The following SLC8A1 variants were observed in gnomAD, a reference collection of about 807,000 sequenced individuals.
SLC8A1 encodes sodium/calcium exchanger 1.
Under a neutral mutation model 68.3 loss-of-function variants are expected in SLC8A1, and 18 were observed. The observed-to-expected ratio is 0.26, with a 90% CI of 0.18 to 0.39. The LOEUF (loss-of-function observed/expected upper bound fraction) is 0.39. SLC8A1 is among the 10% of genes least tolerant of loss of function. The pLI, the probability that SLC8A1 is intolerant of heterozygous loss-of-function variation, is 1.00. For missense variants in SLC8A1, 985 were observed against 1,156.7 expected, an observed-to-expected ratio of 0.85 and a Z score of 2.15; for synonymous variants, 475 against 415.5, an observed-to-expected ratio of 1.14 and a Z score of -1.74.
At chr2:40,428,645 C>T in exon 2 of SLC8A1, 1 of 1,613,830 alleles carries the variant, frequency 6.2e-7, no homozygotes, top group Non-Finnish European at 8.5e-7. Context: ...ACATGAGTCA[C>T]AGGTTCCTCA....
chr2:40,364,164 A>G (rs959798278), intron 2 of SLC8A1, among the ~76,000 whole-genome samples: 1 of 152,134 alleles, frequency 6.6e-6, no homozygotes, highest in Admixed American at 6.6e-5. Flanking sequence ...ATATTTTTAA[A>G]GAAGTATCAG....
intron 2 of SLC8A1, among the ~76,000 whole-genome samples, chr2:40,422,061 G>A (rs1243245201): frequency 6.6e-6 from 1 of 152,048 alleles, no homozygotes; most frequent in East Asian, 1.9e-4. Flanking sequence ...TGCCCACTCA[G>A]CACCTTCCAC....
chr2:40,158,842 G>C (rs543191424), intron 6 of SLC8A1, among the ~76,000 whole-genome samples: 1 of 152,262 alleles, frequency 6.6e-6, no homozygotes, highest in East Asian at 1.9e-4. Context: ...GAAAGTGTTT[G>C]CAAGTCAAAA....
At chr2:40,167,657 T>A (rs1270081140) in intron 4 of SLC8A1, among the ~76,000 whole-genome samples, 1 of 152,214 alleles carries the variant, frequency 6.6e-6, no homozygotes, top group East Asian at 1.9e-4. Context: ...TATCCCTTTA[T>A]GTATTCACCT....
exon 3 of SLC8A1, chr2:40,177,796 G>T: frequency 6.4e-7 from 1 of 1,551,310 alleles, no homozygotes; most frequent in South Asian, 1.2e-5. Flanking sequence ...AAGCACAAGG[G>T]AGAAACTGCA....
intron 2 of SLC8A1, chr2:40,209,894 G>A (rs1013150101): frequency 6.6e-6 from 1 of 152,278 alleles, no homozygotes; most frequent in Non-Finnish European, 1.5e-5. Flanking sequence ...CAGAGGAAAT[G>A]GACTAGGGAA....
chr2:40,480,604 T>A (rs1559759780), intron 1 of SLC8A1, among the ~76,000 whole-genome samples: 2 of 152,192 alleles, frequency 1.3e-5, no homozygotes, highest in Non-Finnish European at 2.9e-5. Context: ...ACTAAGACAC[T>A]GCCCTAACTT....
Position 40,218,770 on chromosome 2 carries a change from T to C in SLC8A1, c.1809-40915A>G, listed in dbSNP as rs113551017. On this transcript the variant is annotated intron_variant, in intron 2 of 7. Coordinates refer to ENST00000406785, the Ensembl canonical transcript of SLC8A1. ...TAACATCCTTGCTTGCAGAGATTGG[T>C]AGACCTGTTTCTTCTATTTTAGATT... Among the ~76,000 whole-genome samples, 306 of 151,596 alleles carry C rather than the reference T, an allele frequency of 2.0e-3. 1 individual carries two copies. The highest frequency in any genetic ancestry group is 3.7e-3 in the Non-Finnish European group (250 of 67,948).
intron 2 of SLC8A1, among the ~76,000 whole-genome samples, chr2:40,256,652 C>T (rs2063969412): frequency 6.6e-6 from 1 of 152,054 alleles, no homozygotes; most frequent in South Asian, 2.1e-4. Context: ...TTAAATCACC[C>T]AACCTTTCCT....
intron 2 of SLC8A1, among the ~76,000 whole-genome samples, chr2:40,207,917 T>TA (rs1180691928): frequency 1.3e-5 from 2 of 152,136 alleles, no homozygotes; most frequent in Admixed American, 1.3e-4. Context: ...GGGCTGCACA[T>TA]ATTCAAAGTA....
chr2:40,466,183 T>C (rs933360146), intron 1 of SLC8A1, among the ~76,000 whole-genome samples: 1 of 152,156 alleles, frequency 6.6e-6, no homozygotes, highest in African/African-American at 2.4e-5. Context: ...ACCCTCACAT[T>C]TATAACTCTC....
intron 7 of SLC8A1, among the ~76,000 whole-genome samples, chr2:40,118,801 G>T (rs1258742732): frequency 1.1e-4 from 16 of 151,894 alleles, no homozygotes; most frequent in African/African-American, 3.6e-4. Context: ...AGGTGGGGCA[G>T]TTGCGGGGGT....
In SLC8A1 at chr2:40,510,149, A is replaced by AT. The variant is rs527770437; in HGVS notation, c.-25+2199dup. 2.8e-4 allele frequency among the ~76,000 whole-genome samples: 43 copies of AT among 151,960 alleles called. 1 individual carries two copies. The South Asian group carries it at 8.5e-3, about 30-fold the overall frequency. ...CCGCCATTTTGTTTATTTATTTATT[A>AT]TTTTTTTACGTAAGACTGCCAACAC... On this transcript the variant is annotated intron_variant, in intron 1 of 7. Coordinates refer to the SLC8A1 transcript ENST00000402441.
At chr2:40,294,908 C>T (rs761988319) in intron 2 of SLC8A1, among the ~76,000 whole-genome samples, 37 of 151,934 alleles carry the variant, frequency 2.4e-4, no homozygotes, top group Admixed American at 5.9e-4. Context: ...GTATGTAGCA[C>T]ATATAAAGTT....
At chr2:40,437,405 C>G (rs902514305) in intron 1 of SLC8A1, among the ~76,000 whole-genome samples, 3 of 152,028 alleles carry the variant, frequency 2.0e-5, no homozygotes, top group African/African-American at 4.8e-5. Flanking sequence ...CACTTCTATT[C>G]GTCACATAGC....
At chr2:40,400,636 G>C (rs148136409) in intron 2 of SLC8A1, among the ~76,000 whole-genome samples, 1 of 152,238 alleles carries the variant, frequency 6.6e-6, no homozygotes, top group East Asian at 1.9e-4. Flanking sequence ...TGTTCCTGCT[G>C]GCAAACTCAG....
rs184277764 is a variant in SLC8A1, at chr2:40,460,906, G to C, written c.-24-30602C>G. 4.2e-3 allele frequency among the ~76,000 whole-genome samples: 644 copies of C among 152,148 alleles called. 3 individuals are homozygous for C. Among genetic ancestry groups the C allele is most frequent in the African/African-American group, 0.014 (562 of 41,502 alleles). The stretch of plus-strand genomic sequence containing the variant: ...TTTTCAAGAAGTAAGTGCTATGGCC[G>C]GATATGTACTTTATGAAGGTAAATC... On this transcript the variant is annotated intron_variant, in intron 1 of 7. Coordinates refer to the SLC8A1 transcript ENST00000402441.
chr2:40,131,707 C>G (rs1482696410), intron 7 of SLC8A1, among the ~76,000 whole-genome samples: 4 of 152,156 alleles, frequency 2.6e-5, no homozygotes, highest in Non-Finnish European at 2.9e-5. Flanking sequence ...AGGGTGTCCT[C>G]AACATGCCCT....
exon 8 of SLC8A1, chr2:40,104,241 A>G (rs1419959955): frequency 6.6e-6 from 1 of 152,222 alleles, no homozygotes; most frequent in African/African-American, 2.4e-5. Context: ...CACATGCCTC[A>G]AAGTCCAAAA....
Sources: allele counts gnomAD v4.1 joint callset (sites outside exome capture counted in the v4.1 genomes callset), GRCh38; gene constraint gnomAD v4.1.1; transcripts MANE v1.5; gene names NCBI Gene and HGNC (gene_info 2026-07-23, HGNC 2026-07-21).